Variants in PCDH7 observed in about 807,000 individuals in gnomAD.
The protein encoded by PCDH7 is protocadherin-7.
PCDH7 carries 17 observed loss-of-function variants against 58.9 expected under a neutral mutation model. The ratio of observed to expected loss-of-function variants is 0.29; its 90% CI spans 0.20 to 0.43. The LOEUF (loss-of-function observed/expected upper bound fraction) is 0.43. Ranked by LOEUF, PCDH7 falls within the 20% of genes least tolerant of loss-of-function variation. The pLI is 1.00. For missense variants in PCDH7, 1,274 were observed against 1,441.0 expected, an observed-to-expected ratio of 0.88 and a Z score of 1.88; for synonymous variants, 664 against 616.4, an observed-to-expected ratio of 1.08 and a Z score of -1.14.
chr4:30,799,767 T>C (rs1725284710), intron 1 of PCDH7, among the ~76,000 whole-genome samples: 1 of 152,172 alleles, frequency 6.6e-6, no homozygotes, highest in Non-Finnish European at 1.5e-5. Context: ...ACCAGACTTA[T>C]TATTATGAGA....
At chr4:31,143,854 T>C (rs936528317), downstream of PCDH7, 1 of 152,220 alleles carries the variant, frequency 6.6e-6, no homozygotes, top group Non-Finnish European at 1.5e-5. Context: ...TAAAATGGAT[T>C]TTATTTGAAA....
intron 3 of PCDH7, among the ~76,000 whole-genome samples, chr4:31,020,849 T>A (rs548351709): frequency 1.7e-4 from 26 of 152,326 alleles, no homozygotes; most frequent in African/African-American, 5.8e-4. Flanking sequence ...AAATCCATGT[T>A]TGATTAGGAT....
chr4:30,800,222 G>A (rs1403636869), intron 1 of PCDH7, among the ~76,000 whole-genome samples: 1 of 151,872 alleles, frequency 6.6e-6, no homozygotes, highest in East Asian at 1.9e-4. Context: ...TCAGTGTGGG[G>A]TCATGAGCTG....
At chr4:30,765,263 A>G (rs1297565992) in intron 1 of PCDH7, among the ~76,000 whole-genome samples, 1 of 151,658 alleles carries the variant, frequency 6.6e-6, no homozygotes, top group Non-Finnish European at 1.5e-5. Flanking sequence ...TAACTTAAAA[A>G]TGCCCTCAAA....
chr4:30,820,379 A>T (rs891118377), intron 1 of PCDH7, among the ~76,000 whole-genome samples: 1 of 152,126 alleles, frequency 6.6e-6, no homozygotes, highest in African/African-American at 2.4e-5. Flanking sequence ...GTAGGAAGTG[A>T]CACATTAAAC....
chr4:30,923,797 A>T (rs1436408772), intron 2 of PCDH7, among the ~76,000 whole-genome samples: 3 of 152,158 alleles, frequency 2.0e-5, no homozygotes, highest in African/African-American at 7.2e-5. Context: ...TTTCATGCTA[A>T]TCTTTTAATA....
At chr4:30,778,814 G>T (rs1353469882) in intron 1 of PCDH7, among the ~76,000 whole-genome samples, 2 of 151,870 alleles carry the variant, frequency 1.3e-5, no homozygotes, top group Non-Finnish European at 2.9e-5. Flanking sequence ...AATCTTCAAC[G>T]TCTTTGTGAT....
At chr4:30,927,548 T>C (rs891745682) in intron 2 of PCDH7, among the ~76,000 whole-genome samples, 2 of 152,036 alleles carry the variant, frequency 1.3e-5, no homozygotes, top group Non-Finnish European at 2.9e-5. Flanking sequence ...TGTTGATCTA[T>C]GACCTTACCC....
intron 1 of PCDH7, among the ~76,000 whole-genome samples, chr4:30,785,389 A>G (rs1366143310): frequency 6.6e-6 from 1 of 152,024 alleles, no homozygotes; most frequent in Non-Finnish European, 1.5e-5. Context: ...AATCATAAAG[A>G]TTCACTTATA....
Position 30,808,518 on chromosome 4 carries a change from C to A in PCDH7, c.70+83922C>A, listed in dbSNP as rs938506816. The stretch of plus-strand genomic sequence containing the variant: ...TTATTTTCACTACAAAGAGTGGAGT[C>A]TCCTTTTTAATGATATTTCTAAGTA... On this transcript the variant is annotated intron_variant, in intron 1 of 3. Transcript: ENST00000509759. 6.6e-5 allele frequency among the ~76,000 whole-genome samples: 10 copies of A among 152,220 alleles called. No homozygotes were observed. In the East Asian group the frequency reaches 1.7e-3, roughly 27 times the overall value.
chr4:30,875,311 C>T (rs1320290092), intron 1 of PCDH7, among the ~76,000 whole-genome samples: 6 of 152,074 alleles, frequency 3.9e-5, no homozygotes, highest in East Asian at 1.9e-4. Context: ...TGAATTAGGG[C>T]GTGGCCTAAT....
chr4:30,916,982 G>A (rs557092393), intron 1 of PCDH7, among the ~76,000 whole-genome samples: 1 of 152,086 alleles, frequency 6.6e-6, no homozygotes, highest in Non-Finnish European at 1.5e-5. Context: ...TATCACGTAA[G>A]CTATTCTACT....
chr4:30,767,145 T>C (rs141768407), intron 1 of PCDH7, among the ~76,000 whole-genome samples: 1,881 of 152,304 alleles, frequency 0.012, 22 homozygotes, highest in Non-Finnish European at 0.021. Flanking sequence ...ACTGAAGTCT[T>C]AGTATCTTTT....
chr4:30,750,187 C>A (rs888337017), intron 1 of PCDH7, among the ~76,000 whole-genome samples: 2 of 152,114 alleles, frequency 1.3e-5, no homozygotes, highest in African/African-American at 2.4e-5. Flanking sequence ...TAGGCTAAAG[C>A]ACTAGAGAGA....
chr4:30,839,760 A>G (rs1295843413), intron 1 of PCDH7, among the ~76,000 whole-genome samples: 1 of 152,170 alleles, frequency 6.6e-6, no homozygotes, highest in East Asian at 1.9e-4. Flanking sequence ...GCCATCTGCT[A>G]TCTTAGTCTA....
chr4:30,794,184 G>A (rs1255023201), intron 1 of PCDH7, among the ~76,000 whole-genome samples: 3 of 152,136 alleles, frequency 2.0e-5, no homozygotes, highest in African/African-American at 4.8e-5. Context: ...ATAAAAAATG[G>A]CCACAACGGT....
chr4:30,929,387 C>T (rs1301162604), intron 2 of PCDH7, among the ~76,000 whole-genome samples: 1 of 152,058 alleles, frequency 6.6e-6, no homozygotes, highest in East Asian at 1.9e-4. Context: ...ATAAATTTTA[C>T]TTAATATACG....
intron 3 of PCDH7, among the ~76,000 whole-genome samples, chr4:31,086,025 C>G (rs532384956): frequency 6.6e-5 from 10 of 152,190 alleles, no homozygotes; most frequent in African/African-American, 2.4e-4. Context: ...TGTATTTTGT[C>G]AGCTAGGAAA....
chr4:30,850,223 G>T (rs1458922477), intron 1 of PCDH7, among the ~76,000 whole-genome samples: 3 of 152,094 alleles, frequency 2.0e-5, no homozygotes, highest in African/African-American at 7.2e-5. Flanking sequence ...TGGTTGAGGG[G>T]CAAGGTTTTA....
Sources: allele counts gnomAD v4.1 joint callset (sites outside exome capture counted in the v4.1 genomes callset), GRCh38; gene constraint gnomAD v4.1.1; transcripts MANE v1.5; gene names NCBI Gene and HGNC (gene_info 2026-07-23, HGNC 2026-07-21).